PRELID2: variants seen among roughly 807,000 people sequenced by gnomAD.
The protein encoded by PRELID2 is PRELI domain-containing protein 2.
Under a neutral mutation model 28.4 loss-of-function variants are expected in PRELID2, and 25 were observed. The ratio of observed to expected loss-of-function variants is 0.88; its 90% CI spans 0.64 to 1.23. PRELID2 has a LOEUF of 1.23. Among genes scored for constraint, PRELID2 ranks in the 50% most tolerant of loss-of-function variants. The pLI is 0.00. For synonymous variants in PRELID2, 76 were observed against 71.6 expected (o/e 1.06, Z -0.31); for missense variants, 201 against 214.4 (o/e 0.94, Z 0.39).
the PRELID2 span, among the ~76,000 whole-genome samples, chr5:145,316,354 T>C: frequency 1.3e-5 from 2 of 152,230 alleles, no homozygotes; most frequent in African/African-American, 4.8e-5. Context: ...TATGTATTTC[T>C]TGTTTCAATT....
rs1315631607 is a variant in PRELID2, at chr5:145,600,434, A to AAATATATATATATAT, written n.71-127120_71-127119insATATATATATATATT. 1.8e-4 allele frequency among the ~76,000 whole-genome samples: 22 copies of AAATATATATATATAT among 120,086 alleles called. 1 individual carries two copies. Among genetic ancestry groups the AAATATATATATATAT allele is most frequent in the African/African-American group, 7.3e-4 (18 of 24,542 alleles). The allele number at this position is 120,086 out of a possible 152,430, so 78.8% of individuals were successfully genotyped here. On this transcript the variant is annotated intron_variant and non_coding_transcript_variant, in intron 1 of 2. Coordinates refer to the PRELID2 transcript ENST00000510259. ...TCTCAGGGGGGGAAAAAAAAAAAAAAATATATATATATATATATATGTATC... is the reference window on the plus strand; with the variant it reads ...TCTCAGGGGGGGAAAAAAAAAAAAAAAATATATATATATATATATATATATATATATATATGTATC...
chr5:145,401,315 C>T, the PRELID2 span, among the ~76,000 whole-genome samples: 4 of 146,026 alleles, frequency 2.7e-5, no homozygotes, highest in African/African-American at 1.0e-4. Context: ...AGTGTTCTTA[C>T]CACAATCAAA....
chr5:145,513,820 G>A (rs1007976678), intron 1 of PRELID2, among the ~76,000 whole-genome samples: 4 of 152,118 alleles, frequency 2.6e-5, no homozygotes, highest in African/African-American at 9.7e-5. Flanking sequence ...TACAAGCCAG[G>A]AGAGAGTGGG....
At chr5:145,781,418 A>G (rs901115701) in intron 5 of PRELID2, among the ~76,000 whole-genome samples, 3 of 152,046 alleles carry the variant, frequency 2.0e-5, no homozygotes, top group Admixed American at 1.3e-4. Context: ...GGTCAAACTA[A>G]AAGACTTAAT....
the PRELID2 span, among the ~76,000 whole-genome samples, chr5:145,429,399 T>C: frequency 6.6e-6 from 1 of 152,054 alleles, no homozygotes; most frequent in Non-Finnish European, 1.5e-5. Context: ...TGAACTGAAA[T>C]TGAAACTATG....
At chr5:145,258,708 T>C in the PRELID2 span, among the ~76,000 whole-genome samples, 6 of 152,160 alleles carry the variant, frequency 3.9e-5, no homozygotes, top group Non-Finnish European at 8.8e-5. Context: ...ATACAGAGTA[T>C]GAAATATTGG....
chr5:145,661,688 A>T (rs1754497878), intron 1 of PRELID2, among the ~76,000 whole-genome samples: 1 of 141,392 alleles, frequency 7.1e-6, no homozygotes, highest in African/African-American at 3.1e-5. Flanking sequence ...AAAAAAAAAA[A>T]ACATGTTATG....
Position 145,482,086 on chromosome 5 carries a change from C to T in PRELID2, n.71-8771G>A, listed in dbSNP as rs138296273. ...TCAGGGACGTGGACTCCTTTCATTC[C>T]GTGGCCCTGTCATCTTTATCACATA... On this transcript the variant is annotated intron_variant and non_coding_transcript_variant, in intron 1 of 2. Coordinates refer to the PRELID2 transcript ENST00000510259. Among the ~76,000 whole-genome samples, 419 of 152,252 alleles carry T rather than the reference C, an allele frequency of 2.8e-3. 1 individual carries two copies. The highest frequency in any genetic ancestry group is 4.5e-3 in the Non-Finnish European group (309 of 68,030).
At chr5:145,449,992 A>G in the PRELID2 span, among the ~76,000 whole-genome samples, 1 of 152,146 alleles carries the variant, frequency 6.6e-6, no homozygotes, top group Non-Finnish European at 1.5e-5. Flanking sequence ...GTTTCAGGGT[A>G]GCCTCATTTG....
At chr5:145,573,010 T>G (rs114357693) in intron 1 of PRELID2, among the ~76,000 whole-genome samples, 3,340 of 152,226 alleles carry the variant, frequency 0.022, 130 homozygotes, top group African/African-American at 0.075. Context: ...CAAGTATACA[T>G]AGCCCAACAA....
Position 145,740,889 on chromosome 5 carries a change from T to C in PRELID2, n.70+24042A>G, listed in dbSNP as rs1386584208. Among the ~76,000 whole-genome samples the C allele has an allele frequency of 3.2e-4, 33 of 103,704 alleles. 2 individuals carry two copies. Among genetic ancestry groups the C allele is most frequent in the Non-Finnish European group, 5.2e-4 (29 of 56,258 alleles). The allele number at this position is 103,704 out of a possible 152,430, so 68.0% of individuals were successfully genotyped here. ...TTATCGATAAATATATATGTACATA[T>C]ATTTATCGATAAATATATATGTACA... On this transcript the variant is annotated intron_variant and non_coding_transcript_variant, in intron 1 of 2. Coordinates refer to the PRELID2 transcript ENST00000510259.
At chr5:145,684,414 A>C (rs758293947) in intron 1 of PRELID2, among the ~76,000 whole-genome samples, 8 of 151,986 alleles carry the variant, frequency 5.3e-5, no homozygotes, top group African/African-American at 1.9e-4. Flanking sequence ...GTTGTTTCAG[A>C]CTGTAGGTCG....
the PRELID2 span, among the ~76,000 whole-genome samples, chr5:145,455,191 C>A: frequency 3.3e-5 from 5 of 151,564 alleles, no homozygotes; most frequent in Non-Finnish European, 7.4e-5. Context: ...AGTTTTCCAA[C>A]ACCATTTATT....
intron 1 of PRELID2, among the ~76,000 whole-genome samples, chr5:145,825,375 A>G (rs937856219): frequency 6.6e-6 from 1 of 152,086 alleles, no homozygotes; most frequent in Non-Finnish European, 1.5e-5. Flanking sequence ...TCGCTTACAC[A>G]GTACCCCTAA....
chr5:145,741,573 T>A (rs1230091903), intron 1 of PRELID2, among the ~76,000 whole-genome samples: 2 of 35,626 alleles, frequency 5.6e-5, no homozygotes, highest in East Asian at 1.1e-3. Flanking sequence ...TAAAATTTAT[T>A]TATAAATAAT....
At chr5:145,345,223 C>G in the PRELID2 span, among the ~76,000 whole-genome samples, 6 of 152,130 alleles carry the variant, frequency 3.9e-5, no homozygotes, top group Non-Finnish European at 5.9e-5. Context: ...TCAAAATGTA[C>G]TTATTCCATT....
At chr5:145,740,700 A>T in intron 1 of PRELID2, among the ~76,000 whole-genome samples, 1 of 120,278 alleles carries the variant, frequency 8.3e-6, no homozygotes, top group African/African-American at 3.2e-5. Context: ...TATTATTTAT[A>T]TTAAATATAA....
At chr5:145,286,724 GT>G in the PRELID2 span, among the ~76,000 whole-genome samples, 219 of 114,408 alleles carry the variant, frequency 1.9e-3, 1 homozygote, top group African/African-American at 6.6e-3. Context: ...TTGTTTGTTT[GT>G]TTTTTTTTTT....
At chr5:145,820,709 G>A (rs568848735) in intron 2 of PRELID2, among the ~76,000 whole-genome samples, 1 of 152,254 alleles carries the variant, frequency 6.6e-6, no homozygotes, top group South Asian at 2.1e-4. Flanking sequence ...GAAGGAATTC[G>A]ACTGAGGGGC....
Sources: gnomAD v4.1 joint callset for allele counts (sites outside exome capture counted in the v4.1 genomes callset) on GRCh38, gnomAD v4.1.1 for gene constraint, MANE v1.5 for transcripts, NCBI Gene and HGNC (gene_info 2026-07-23, HGNC 2026-07-21) for gene names.